Variants in NOS1AP observed in about 807,000 individuals in gnomAD.
The protein encoded by NOS1AP is nitric oxide synthase 1 adaptor protein, also known as carboxyl-terminal PDZ ligand of neuronal nitric oxide synthase protein.
In NOS1AP, 21 loss-of-function variants were observed where a neutral mutation model predicts 56.2. The observed-to-expected ratio is 0.37, with a 90% CI of 0.26 to 0.54. NOS1AP has a LOEUF of 0.54. Ranked by LOEUF, NOS1AP falls within the 20% of genes least tolerant of loss-of-function variation. The pLI, the probability that NOS1AP is intolerant of heterozygous loss-of-function variation, is 0.84. For synonymous variants in NOS1AP, 270 were observed against 274.6 expected, an observed-to-expected ratio of 0.98 and a Z score of 0.17; for missense variants, 522 against 657.8, an observed-to-expected ratio of 0.79 and a Z score of 2.26.
At chr1:162,085,642 A>G (rs1691985579) in intron 1 of NOS1AP, among the ~76,000 whole-genome samples, 1 of 152,138 alleles carries the variant, frequency 6.6e-6, no homozygotes, top group African/African-American at 2.4e-5. Context: ...TTGCATTCCT[A>G]AATGCAGATG....
At chr1:162,190,266 C>G (rs573853420) in intron 2 of NOS1AP, among the ~76,000 whole-genome samples, 2 of 152,310 alleles carry the variant, frequency 1.3e-5, no homozygotes, top group South Asian at 4.1e-4. Context: ...TCTCTCTAGG[C>G]TAAACATCTC....
At chr1:162,133,467 T>C (rs1330985323) in intron 1 of NOS1AP, among the ~76,000 whole-genome samples, 1 of 152,252 alleles carries the variant, frequency 6.6e-6, no homozygotes, top group Admixed American at 6.5e-5. Context: ...CATACTCTCT[T>C]GCTGTCTTAT....
At chr1:162,267,191 G>T (rs1188297292) in intron 2 of NOS1AP, among the ~76,000 whole-genome samples, 3 of 152,178 alleles carry the variant, frequency 2.0e-5, no homozygotes, top group Non-Finnish European at 4.4e-5. Flanking sequence ...TCAAAGAGCT[G>T]TATCTGCCCC....
intron 1 of NOS1AP, among the ~76,000 whole-genome samples, chr1:162,147,111 C>T (rs527540391): frequency 6.6e-5 from 10 of 152,074 alleles, no homozygotes; most frequent in South Asian, 4.2e-4. Flanking sequence ...AGGCGGATCA[C>T]GAGGTCAGGA....
At chr1:162,217,043 A>G (rs1359085512) in intron 2 of NOS1AP, among the ~76,000 whole-genome samples, 3 of 152,140 alleles carry the variant, frequency 2.0e-5, no homozygotes, top group Admixed American at 6.6e-5. Context: ...AAGGAGCTTT[A>G]TGTGACTGAC....
At chr1:162,320,189 G>A (rs1656366785) in intron 4 of NOS1AP, among the ~76,000 whole-genome samples, 1 of 152,140 alleles carries the variant, frequency 6.6e-6, no homozygotes, top group African/African-American at 2.4e-5. Context: ...TAGAAGAGAG[G>A]TCATGCTGGA....
At chr1:162,182,547 C>T (rs980306224) in intron 2 of NOS1AP, among the ~76,000 whole-genome samples, 8 of 152,282 alleles carry the variant, frequency 5.3e-5, no homozygotes, top group Non-Finnish European at 1.0e-4. Flanking sequence ...TTCTCTGTAG[C>T]GTGTGACACT....
intron 2 of NOS1AP, among the ~76,000 whole-genome samples, chr1:162,230,881 A>G (rs1261591336): frequency 1.3e-5 from 2 of 152,182 alleles, no homozygotes; most frequent in African/African-American, 2.4e-5. Flanking sequence ...TTGTGTATAC[A>G]TTCATATGTC....
intron 1 of NOS1AP, among the ~76,000 whole-genome samples, chr1:162,081,774 A>ATATATATATATATATTTTTTTTTTTTT: frequency 1.1e-4 from 5 of 44,056 alleles, no homozygotes; most frequent in Non-Finnish European, 2.3e-4. Flanking sequence ...ATATATATAT[A>ATATATATATATATATTTTTTTTTTTTT]TTTTTTTTTT....
chr1:162,139,323 G>T (rs1649135946), intron 1 of NOS1AP, among the ~76,000 whole-genome samples: 1 of 152,082 alleles, frequency 6.6e-6, no homozygotes, highest in Non-Finnish European at 1.5e-5. Flanking sequence ...CCTGTGGCTT[G>T]CTTCCTGTTT....
At chr1:162,356,481 G>A (rs926612023) in intron 7 of NOS1AP, among the ~76,000 whole-genome samples, 12 of 152,172 alleles carry the variant, frequency 7.9e-5, no homozygotes, top group African/African-American at 2.9e-4. Context: ...CCAGCTCCAC[G>A]CTTCTCCCAA....
At chr1:162,145,121 T>G (rs1291579768) in intron 1 of NOS1AP, among the ~76,000 whole-genome samples, 8 of 152,206 alleles carry the variant, frequency 5.3e-5, no homozygotes, top group Non-Finnish European at 5.9e-5. Flanking sequence ...CTTCAAATAG[T>G]GCTTCCTTTT....
At chr1:162,075,784 T>TC (rs397705069) in intron 1 of NOS1AP, among the ~76,000 whole-genome samples, 1 of 151,820 alleles carries the variant, frequency 6.6e-6, no homozygotes, top group African/African-American at 2.4e-5. Context: ...CTTTTTTTTT[T>TC]GGTGGGGGGC....
At chr1:162,247,965 C>T (rs531637714) in intron 2 of NOS1AP, among the ~76,000 whole-genome samples, 3 of 152,196 alleles carry the variant, frequency 2.0e-5, no homozygotes, top group East Asian at 3.9e-4. Context: ...AAAGGATTTA[C>T]TATGGTTCTG....
intron 3 of NOS1AP, among the ~76,000 whole-genome samples, chr1:162,295,777 C>T (rs2819308): frequency 0.98 from 148,653 of 152,324 alleles, 72,623 homozygotes; most frequent in Middle Eastern, 1. Flanking sequence ...GCATTGCCTA[C>T]GAATTGTGCC....
rs148565523 is a variant in NOS1AP, at chr1:162,279,089, A to T, written c.178-8255A>T. 9.8e-5 allele frequency among the ~76,000 whole-genome samples: 15 copies of T among 152,310 alleles called. No individual in the cohort carries two copies. In the East Asian group the frequency reaches 2.5e-3, roughly 26 times the overall value. ...TCTTTTTTTACTTAAAGAAGAGAAGATTCTAATACTTGTTTTTAACATGCT... is the reference window on the plus strand; with the variant it reads ...TCTTTTTTTACTTAAAGAAGAGAAGTTTCTAATACTTGTTTTTAACATGCT... On this transcript the variant is annotated intron_variant, in intron 2 of 9. Transcript: ENST00000361897.
rs114496757 is a variant in NOS1AP, at chr1:162,341,775, C to T, written c.454-2060C>T. Among the ~76,000 whole-genome samples, 1,000 of 152,318 alleles carry T rather than the reference C, an allele frequency of 6.6e-3. 3 individuals are homozygous for T. Among genetic ancestry groups the T allele is most frequent in the Middle Eastern group, 0.041 (12 of 294 alleles). ...TCAAGGCCTAGGGGAATAACAGTTTCGGATGTAGGAGCCTTTACTTCTCCC... is the reference window on the plus strand; with the variant it reads ...TCAAGGCCTAGGGGAATAACAGTTTTGGATGTAGGAGCCTTTACTTCTCCC... On this transcript the variant is annotated intron_variant, in intron 5 of 9. Coordinates refer to ENST00000361897, the MANE Select transcript of NOS1AP (RefSeq NM_014697.3).
intron 2 of NOS1AP, among the ~76,000 whole-genome samples, chr1:162,254,123 T>G (rs4319302): frequency 1.3e-5 from 2 of 152,208 alleles, no homozygotes; most frequent in Non-Finnish European, 2.9e-5. Flanking sequence ...CATTTGTATC[T>G]TTGTCTCTAA....
chr1:162,161,279 T>G (rs1650204160), intron 2 of NOS1AP, among the ~76,000 whole-genome samples: 1 of 152,188 alleles, frequency 6.6e-6, no homozygotes. Context: ...TGGACCTCTT[T>G]GGGGGGCTTT....
Sources: allele counts gnomAD v4.1 joint callset (sites outside exome capture counted in the v4.1 genomes callset), GRCh38; gene constraint gnomAD v4.1.1; transcripts MANE v1.5; gene names NCBI Gene and HGNC (gene_info 2026-07-23, HGNC 2026-07-21).